DDX3X: variants seen among roughly 807,000 people sequenced by gnomAD.
DDX3X encodes the protein DEAD-box helicase 3 X-linked.
In DDX3X, 4 loss-of-function variants were observed where a neutral mutation model predicts 52.7. That is an observed-to-expected ratio of 0.08 (90% confidence interval 0.04 to 0.17). The LOEUF is 0.17. Ranked by LOEUF, DDX3X falls within the 10% of genes least tolerant of loss-of-function variation. The pLI is 1.00. For missense variants in DDX3X, 222 were observed against 548.6 expected (o/e 0.40, Z 5.95); for synonymous variants, 192 against 178.1 (o/e 1.08, Z -0.62).
chrX:41,359,689 T>C (rs1366208232), intron 5 of DDX3X, among the ~76,000 whole-genome samples: 1 of 104,484 alleles, frequency 9.6e-6, no homozygotes, highest in African/African-American at 3.5e-5. Context: ...TTTAAAAAAG[T>C]GGGCCAGGTG....
rs373770162 is a variant in DDX3X at position 41,355,581 on chromosome X, C to T, written c.654+8130C>T. On this transcript the variant is annotated intron_variant, in intron 5 of 5. Coordinates refer to the DDX3X transcript ENST00000616050. ...CTCCCAAGCTCAAGCCATCCTCCCA[C>T]CTCAGCCTCCTGAGTAATTGGGACC... Among the ~76,000 whole-genome samples the T allele has an allele frequency of 6.5e-4, 72 of 110,582 alleles. 1 individual carries two copies. The East Asian group carries it at 6.8e-3, about 10-fold the overall frequency.
rs1347184100 is a variant in DDX3X, at chrX:41,334,303, C to T, written c.45+6C>T. ...CGCTCGGGCTGGACCAGCAGGTGAG[C>T]CGCAAGAACCCCACCGGGCTGGCTG... On this transcript the variant is annotated splice_donor_region_variant and intron_variant, in intron 1 of 16. Transcript: ENST00000644876. 6 of 1,208,847 alleles carry T rather than the reference C, an allele frequency of 5.0e-6. No individual in the cohort carries two copies. Among genetic ancestry groups the T allele is most frequent in the African/African-American group, 3.5e-5 (2 of 57,534 alleles).
intron 12 of DDX3X, chrX:41,345,957 A>G: frequency 1.5e-5 from 5 of 340,460 alleles, no homozygotes; most frequent in Non-Finnish European, 2.0e-5. Flanking sequence ...AGTCCCAGCT[A>G]CTTGGCAGGC....
chrX:41,341,862 G>A (rs2063855894), intron 4 of DDX3X: 1 of 291,566 alleles, frequency 3.4e-6, no homozygotes, highest in African/African-American at 2.7e-5. Context: ...AAAAGAGTAA[G>A]TTCATCTAGT....
chrX:41,351,860 A>C (rs781641553), downstream of DDX3X, among the ~76,000 whole-genome samples: 8 of 110,089 alleles, frequency 7.3e-5, no homozygotes, highest in African/African-American at 2.3e-4. Flanking sequence ...TTTTTTTGAC[A>C]AAGCACTGTT....
At chrX:41,356,461 T>TG (rs1206588063) in intron 5 of DDX3X, among the ~76,000 whole-genome samples, 1 of 89,284 alleles carries the variant, frequency 1.1e-5, no homozygotes, top group African/African-American at 4.3e-5. Flanking sequence ...TTTCTTTTTT[T>TG]TTTTTTTTTT....
chrX:41,333,909 C>T (rs903143762), upstream of DDX3X: 4 of 188,629 alleles, frequency 2.1e-5, no homozygotes, highest in Non-Finnish European at 3.9e-5. Context: ...AGGGTTTTAG[C>T]GGAGAGCACG....
intron 3 of DDX3X, 188 bp from the exon 4 acceptor site, chrX:41,341,296 T>C: frequency 2.6e-6 from 1 of 388,005 alleles, no homozygotes; most frequent in Non-Finnish European, 4.4e-6. Context: ...GTGGACAGTA[T>C]TTTCTAGTGG....
chrX:41,346,161 G>C, intron 12 of DDX3X, 68 bp from the exon 13 acceptor site: 2 of 939,079 alleles, frequency 2.1e-6, no homozygotes, highest in Non-Finnish European at 1.5e-6. Flanking sequence ...CATTAAAATT[G>C]TGCATACATA....
chrX:41,335,092 G>C (rs185809887), intron 1 of DDX3X: 52 of 110,458 alleles, frequency 4.7e-4, no homozygotes, highest in African/African-American at 1.7e-3. Flanking sequence ...GGGGAGGGGA[G>C]GCAGGAATTG....
chrX:41,337,516 A>C lies in DDX3X; in HGVS notation c.103+51A>C, dbSNP rs377423306. 1.4e-5 allele frequency: 14 copies of C among 1,033,258 alleles called. No individual in the cohort carries two copies. The African/African-American group carries it at 2.5e-4, about 18-fold the overall frequency. 85.2% of individuals were successfully genotyped at this position (1,033,258 alleles called of 1,213,427 possible). A position where few individuals can be genotyped will look rare whatever the true frequency, so the allele number is the denominator to read the frequency against. Reference sequence around the variant, plus strand: ...TTGAATATTAGAGCTTAACATCTTAAGATTTCATTGGGCTTATGTAAAATT... The same window carrying C: ...TTGAATATTAGAGCTTAACATCTTACGATTTCATTGGGCTTATGTAAAATT... On this transcript the variant is annotated intron_variant, in intron 2 of 16. Transcript: ENST00000644876.
chrX:41,336,834 T>G, intron 1 of DDX3X: 1 of 112,877 alleles, frequency 8.9e-6, no homozygotes, highest in South Asian at 3.5e-4. Flanking sequence ...TTGCTATTTT[T>G]TTGTTGTTCT....
Position 41,337,568 on chromosome X carries a change from C to T in DDX3X, c.103+103C>T. 8.0e-6 allele frequency: 5 copies of T among 627,546 alleles called. No homozygotes were observed. In the South Asian group the frequency reaches 8.3e-5, roughly 10 times the overall value. The allele number at this position is 627,546 out of a possible 1,213,427, so 51.7% of individuals were successfully genotyped here. On this transcript the variant is annotated intron_variant, in intron 2 of 16. Transcript: ENST00000644876. ...AAGAAATTTGCCTTTCAATTTTTTA[C>T]TGCTTAAAGAATTATGTAGTCTTTG...
upstream of DDX3X, chrX:41,334,008 T>C (rs998023147): frequency 5.2e-6 from 2 of 384,455 alleles, no homozygotes; most frequent in African/African-American, 5.1e-5. Context: ...AAGTAGGAAA[T>C]CCCTTGAGCT....
intron 3 of DDX3X, 41 bp from the exon 4 acceptor site, chrX:41,341,443 C>G (rs1569236149): frequency 9.0e-7 from 1 of 1,105,689 alleles, no homozygotes; most frequent in Non-Finnish European, 1.2e-6. Flanking sequence ...GTTCCTATTT[C>G]TAATTAATAA....
At position 41,343,208 on chromosome X, in the gene DDX3X, C is replaced by T. The variant is rs1021070719; in HGVS notation, c.544-8C>T. 7.5e-6 allele frequency: 9 copies of T among 1,202,072 alleles called. No homozygotes were observed. Among genetic ancestry groups the T allele is most frequent in the African/African-American group, 1.8e-5 (1 of 56,782 alleles). ...TAGCATTCCTAACCCCATTGAATTT[C>T]TTAACAGTTCAGTGATGTTGAGATG... On this transcript the variant is annotated splice_polypyrimidine_tract_variant and splice_region_variant and intron_variant, in intron 6 of 16. Transcript: ENST00000644876.
chrX:41,352,763 G>A (rs2063993937), downstream of DDX3X, among the ~76,000 whole-genome samples: 1 of 111,109 alleles, frequency 9.0e-6, no homozygotes, highest in South Asian at 3.8e-4. Flanking sequence ...GAAATCTGTG[G>A]TTTTGGTTTT....
upstream of DDX3X, chrX:41,333,727 A>G (rs2063710353): frequency 8.9e-6 from 1 of 112,316 alleles, no homozygotes; most frequent in South Asian, 3.3e-4. Context: ...AAAAACAAAA[A>G]CAAAAAAAAC....
In DDX3X at chrX:41,344,135, A is replaced by G. The variant is rs2063890247; in HGVS notation, c.864+7A>G. The G allele has an allele frequency of 1.7e-6, 2 of 1,194,957 alleles. No homozygotes were observed. The highest frequency in any genetic ancestry group is 2.3e-6 in the Non-Finnish European group (2 of 884,636). On this transcript the variant is annotated splice_region_variant and intron_variant, in intron 9 of 16. Transcript: ENST00000644876. Reference sequence around the variant, plus strand: ...CTACGAGGAAGCCAGAAAAGTAAGTATGAGTTCCAGTGATTATTAGCTTTT... The same window carrying G: ...CTACGAGGAAGCCAGAAAAGTAAGTGTGAGTTCCAGTGATTATTAGCTTTT...
Sources: gnomAD v4.1 joint callset for allele counts (sites outside exome capture counted in the v4.1 genomes callset) on GRCh38, gnomAD v4.1.1 for gene constraint, MANE v1.5 for transcripts, NCBI Gene and HGNC (gene_info 2026-07-23, HGNC 2026-07-21) for gene names.